ATP6V1A: variants seen among roughly 807,000 people sequenced by gnomAD.
ATP6V1A encodes the protein V-type proton ATPase catalytic subunit A.
In ATP6V1A, 18 loss-of-function variants were observed where a neutral mutation model predicts 70.1. That is an observed-to-expected ratio of 0.26 (90% CI 0.18 to 0.38). The LOEUF (loss-of-function observed/expected upper bound fraction) is 0.38. ATP6V1A is among the 10% of genes least tolerant of loss of function. The probability of loss-of-function intolerance (pLI) is 1.00; values close to 1 mark genes in which losing one functional copy is unlikely to be tolerated. For synonymous variants in ATP6V1A, 232 were observed against 253.8 expected (o/e 0.91, Z 0.82); for missense variants, 424 against 772.4 (o/e 0.55, Z 5.35).
intron 2 of ATP6V1A, among the ~76,000 whole-genome samples, chr3:113,780,250 T>C (rs1213115741): frequency 1.3e-5 from 2 of 152,236 alleles, no homozygotes; most frequent in African/African-American, 4.8e-5. Flanking sequence ...CACTGAAGTA[T>C]TACCTATAAC....
chr3:113,763,962 G>A (rs1486035070), intron 1 of ATP6V1A, among the ~76,000 whole-genome samples: 1 of 152,110 alleles, frequency 6.6e-6, no homozygotes, highest in Non-Finnish European at 1.5e-5. Context: ...TAAAGTGGCA[G>A]GGTGCAGTGG....
intron 7 of ATP6V1A, 53 bp downstream of exon 7, chr3:113,788,928 T>A: frequency 1.3e-6 from 2 of 1,500,960 alleles, no homozygotes; most frequent in Non-Finnish European, 9.2e-7. Context: ...TCATCAGTGT[T>A]CATTGACAAT....
intron 1 of ATP6V1A, among the ~76,000 whole-genome samples, chr3:113,770,678 T>TA (rs892159433): frequency 1.0e-4 from 15 of 147,614 alleles, no homozygotes; most frequent in Non-Finnish European, 2.1e-4. Context: ...GACTCTGTCT[T>TA]AAAAAAAAAG....
intron 1 of ATP6V1A, among the ~76,000 whole-genome samples, chr3:113,750,293 C>T (rs1358141599): frequency 6.6e-6 from 1 of 152,098 alleles, no homozygotes; most frequent in African/African-American, 2.4e-5. Flanking sequence ...TCCTGGCTAA[C>T]ACGGTGAAAC....
At chr3:113,804,059 G>A (rs1052951340) in intron 13 of ATP6V1A, among the ~76,000 whole-genome samples, 6 of 152,086 alleles carry the variant, frequency 3.9e-5, no homozygotes, top group African/African-American at 9.6e-5. Context: ...GTGCAGTGGC[G>A]CAATCTCAGC....
At chr3:113,749,688 A>C (rs1559746236) in intron 1 of ATP6V1A, among the ~76,000 whole-genome samples, 2 of 152,192 alleles carry the variant, frequency 1.3e-5, no homozygotes, top group African/African-American at 4.8e-5. Context: ...GTGAACTATA[A>C]TACTATTGTG....
At chr3:113,749,307 G>T (rs1708559445) in intron 1 of ATP6V1A, among the ~76,000 whole-genome samples, 1 of 137,408 alleles carries the variant, frequency 7.3e-6, no homozygotes. Context: ...ACACACACAC[G>T]ATTGGAAGCC....
rs558783942 is a variant in ATP6V1A, at chr3:113,808,535, G to A, written c.1762-800G>A. 3.9e-5 allele frequency among the ~76,000 whole-genome samples: 6 copies of A among 151,914 alleles called. No individual in the cohort carries two copies. The East Asian group carries it at 9.8e-4, about 25-fold the overall frequency. The stretch of plus-strand genomic sequence containing the variant: ...TCTCAATCTCCCGACCTTGTGACTC[G>A]CCTGCCTCGGCCCCCCAAAGTGCTG... On this transcript the variant is annotated intron_variant, in intron 14 of 14. Transcript: ENST00000273398.
At chr3:113,807,502 A>G (rs1317737401) in intron 14 of ATP6V1A, among the ~76,000 whole-genome samples, 1 of 152,176 alleles carries the variant, frequency 6.6e-6, no homozygotes, top group African/African-American at 2.4e-5. Flanking sequence ...ATGTCACCCA[A>G]GAATGAACAG....
chr3:113,806,213 A>G (rs1709274379), intron 14 of ATP6V1A, among the ~76,000 whole-genome samples: 1 of 151,918 alleles, frequency 6.6e-6, no homozygotes. Flanking sequence ...TCCCACCACT[A>G]CTCTCCAGCC....
chr3:113,809,307 G>A (rs762376921), intron 14 of ATP6V1A, 28 bp from the exon 15 acceptor site: 30 of 1,567,994 alleles, frequency 1.9e-5, no homozygotes, highest in South Asian at 4.6e-5. Context: ...TTCCAAATGC[G>A]AGTTGAATTT....
chr3:113,809,021 A>G (rs1454384060), intron 14 of ATP6V1A, among the ~76,000 whole-genome samples: 4 of 152,020 alleles, frequency 2.6e-5, no homozygotes, highest in Non-Finnish European at 5.9e-5. Flanking sequence ...AGGCCGAGGC[A>G]AGTGGATCAC....
intron 1 of ATP6V1A, among the ~76,000 whole-genome samples, chr3:113,767,987 G>T (rs79455600): frequency 6.6e-6 from 1 of 152,102 alleles, no homozygotes; most frequent in Non-Finnish European, 1.5e-5. Context: ...ATCATTTCTG[G>T]ACAAGCTTGT....
chr3:113,803,690 G>T lies in ATP6V1A; in HGVS notation c.1589+13G>T. The T allele has an allele frequency of 6.4e-7, 1 of 1,567,918 alleles. No individual in the cohort carries two copies. Among genetic ancestry groups the T allele is most frequent in the Non-Finnish European group, 8.7e-7 (1 of 1,148,766 alleles). ...CTCCTTATGACAGGTAAGCTATATTGATTTCCTTTTTTTATTTGAGGATTT... is the reference window on the plus strand; with the variant it reads ...CTCCTTATGACAGGTAAGCTATATTTATTTCCTTTTTTTATTTGAGGATTT... On this transcript the variant is annotated intron_variant, in intron 13 of 14. Coordinates refer to ENST00000273398, the MANE Select transcript of ATP6V1A (RefSeq NM_001690.4).
chr3:113,805,916 A>T (rs1002801872), intron 14 of ATP6V1A, among the ~76,000 whole-genome samples: 16 of 152,182 alleles, frequency 1.1e-4, no homozygotes, highest in Non-Finnish European at 2.2e-4. Flanking sequence ...ACACATGTTC[A>T]GGTTTTGTAA....
At chr3:113,750,012 C>T (rs1275019774) in intron 1 of ATP6V1A, among the ~76,000 whole-genome samples, 1 of 152,094 alleles carries the variant, frequency 6.6e-6, no homozygotes, top group Non-Finnish European at 1.5e-5. Flanking sequence ...AGGAATGAAT[C>T]GTACTAAATG....
At chr3:113,780,239 C>T (rs1477441314) in intron 2 of ATP6V1A, among the ~76,000 whole-genome samples, 1 of 152,166 alleles carries the variant, frequency 6.6e-6, no homozygotes, top group Non-Finnish European at 1.5e-5. Flanking sequence ...TTAATAGTTT[C>T]CACTGAAGTA....
At position 113,778,827 on chromosome 3, in the gene ATP6V1A, C is replaced by T; in HGVS notation, c.74C>T (p.Ser25Leu). 1 of 1,571,472 alleles carries T rather than the reference C, an allele frequency of 6.4e-7. No homozygotes were observed. Among genetic ancestry groups the T allele is most frequent in the East Asian group, 2.3e-5 (1 of 42,866 alleles). The change falls in exon 2 of 15, where the codon TCA (serine) becomes TTA (leucine). Residue 25 changes from serine to leucine, a missense_variant. Physicochemically the swap from Ser to Leu is moderately radical, Grantham distance 145. Coordinates refer to ENST00000273398, the MANE Select transcript of ATP6V1A (RefSeq NM_001690.4). ...ACATTTGGTTATGTGCATGGGGTCT[C>T]AGGACCTGGTAAGTAATACATCATA... is the stretch of plus-strand genomic sequence containing the variant. Reference protein sequence around the residue: ...ESTFGYVHGVSGPVVTACDMA... With the variant: ...ESTFGYVHGVLGPVVTACDMA...
chr3:113,773,927 C>A (rs944450008), intron 1 of ATP6V1A, among the ~76,000 whole-genome samples: 1 of 152,058 alleles, frequency 6.6e-6, no homozygotes, highest in Non-Finnish European at 1.5e-5. Flanking sequence ...CCAGAAGATC[C>A]TTGGGGGAAA....
Sources: allele counts gnomAD v4.1 joint callset (sites outside exome capture counted in the v4.1 genomes callset), GRCh38; gene constraint gnomAD v4.1.1; transcripts MANE v1.5; gene names NCBI Gene and HGNC (gene_info 2026-07-23, HGNC 2026-07-21).